NRP1: variants seen among roughly 807,000 people sequenced by gnomAD.
NRP1 encodes neuropilin 1, also known as neuropilin-1.
In NRP1, 35 loss-of-function variants were observed where a neutral mutation model predicts 106.7. That is an observed-to-expected ratio of 0.33 (90% CI 0.25 to 0.43). The LOEUF (loss-of-function observed/expected upper bound fraction) is 0.43, where lower values mean the gene tolerates loss of function less well. Among genes scored for constraint, NRP1 ranks in the 20% least tolerant of loss-of-function variants. NRP1 has a pLI of 1.00. For synonymous variants in NRP1, 437 were observed against 417.9 expected (o/e 1.05, Z -0.56); for missense variants, 1,024 against 1,170.4 (o/e 0.87, Z 1.83).
chr10:33,204,230 A>C (rs1837582135), intron 10 of NRP1, among the ~76,000 whole-genome samples: 1 of 152,064 alleles, frequency 6.6e-6, no homozygotes, highest in Non-Finnish European at 1.5e-5. Context: ...CTGCTTTCTT[A>C]GTAAAAATTT....
At chr10:33,223,486 A>T (rs1839419064) in intron 7 of NRP1, among the ~76,000 whole-genome samples, 1 of 151,466 alleles carries the variant, frequency 6.6e-6, no homozygotes, top group African/African-American at 2.4e-5. Context: ...TTAGCCAGGT[A>T]TGGTGGTGGT....
At chr10:33,254,236 G>T (rs534657650) in intron 5 of NRP1, 42 bp from the exon 6 acceptor site, 19 of 1,515,400 alleles carry the variant, frequency 1.3e-5, no homozygotes, top group Non-Finnish European at 1.8e-6. Context: ...AAATATAGGG[G>T]ATTTAAGATG....
intron 6 of NRP1, among the ~76,000 whole-genome samples, chr10:33,237,483 G>GCA (rs1554788798): frequency 4.0e-4 from 53 of 131,870 alleles, no homozygotes; most frequent in African/African-American, 1.6e-3. Flanking sequence ...ACACACATGC[G>GCA]CGCGCACACA....
chr10:33,221,809 G>A lies in NRP1; in HGVS notation c.1192C>T (p.Pro398Ser), dbSNP rs1048916730. The A allele has an allele frequency of 6.2e-7, 1 of 1,614,086 alleles. No individual in the cohort carries two copies. The part of the protein sequence containing the change: ...TDVVVAVFPK[P>S]LITRFVRIKP... ...ATTCGGACAAATCGAGTTATCAGTGGTTTGGGGAATACTGCAACCACAACA... is the reference window on the plus strand; with the variant it reads ...ATTCGGACAAATCGAGTTATCAGTGATTTGGGGAATACTGCAACCACAACA... The change falls in exon 8 of 17, where the codon CCA becomes TCA. Residue 398 changes from proline (P) to serine (S), a missense_variant. Pro to Ser is a moderately conservative substitution (Grantham distance 74). Around this residue, in one of 5 missense-constraint regions of NRP1, gnomAD observed 562 missense variants for 620.3 expected, o/e 0.91. Transcript: ENST00000374867.
chr10:33,272,565 T>C (rs1408039185), intron 2 of NRP1, among the ~76,000 whole-genome samples: 1 of 151,930 alleles, frequency 6.6e-6, no homozygotes, highest in African/African-American at 2.4e-5. Flanking sequence ...GAAGAAAGCA[T>C]TATGTTTAAA....
chr10:33,200,227 G>A (rs1373587780), intron 11 of NRP1, among the ~76,000 whole-genome samples: 1 of 152,152 alleles, frequency 6.6e-6, no homozygotes, highest in East Asian at 1.9e-4. Context: ...TATAGTTTGG[G>A]AGGCAAATTC....
At chr10:33,271,337 A>G (rs541033069) in intron 2 of NRP1, among the ~76,000 whole-genome samples, 12 of 152,350 alleles carry the variant, frequency 7.9e-5, no homozygotes, top group Middle Eastern at 6.8e-3. Flanking sequence ...ACATATGGCC[A>G]CAGAATAATA....
At chr10:33,301,212 T>G (rs183467623) in intron 2 of NRP1, among the ~76,000 whole-genome samples, 59 of 152,322 alleles carry the variant, frequency 3.9e-4, no homozygotes, top group African/African-American at 1.4e-3. Flanking sequence ...GAGAACTGAA[T>G]GTCGAGGGCT....
chr10:33,326,464 C>A (rs75092248), intron 2 of NRP1, among the ~76,000 whole-genome samples: 4,900 of 152,172 alleles, frequency 0.032, 285 homozygotes, highest in African/African-American at 0.11. Flanking sequence ...AATCAACATT[C>A]CTTCCTCTCC....
Position 33,213,402 on chromosome 10 carries a change from C to T in NRP1, c.1598G>A (p.Ser533Asn). Residue 533 changes from serine (S) to asparagine (N), a missense_variant, in exon 9 of 17, where the codon AGC becomes AAC. Transcript: ENST00000374867. ...GSDWKMIMDD[S>N]KRKAKSFEGN... is the part of the protein sequence containing the mutation. Reference sequence around the variant, plus strand: ...AGCCCTCACCTTCGCCTTGCGTTTGCTGTCATCCATGATCATCTTCCAGTC... The same window carrying T: ...AGCCCTCACCTTCGCCTTGCGTTTGTTGTCATCCATGATCATCTTCCAGTC... 2 of 1,614,058 alleles carry T rather than the reference C, an allele frequency of 1.2e-6. No individual in the cohort carries two copies. The highest frequency in any genetic ancestry group is 1.7e-6 in the Non-Finnish European group (2 of 1,180,024).
intron 2 of NRP1, among the ~76,000 whole-genome samples, chr10:33,324,645 C>CA (rs1554813966): frequency 6.6e-6 from 1 of 151,084 alleles, no homozygotes; most frequent in Non-Finnish European, 1.5e-5. Flanking sequence ...CCACAGGCTT[C>CA]TTTTTTTTGA....
chr10:33,332,614 C>G (rs1270006277), intron 1 of NRP1, among the ~76,000 whole-genome samples: 1 of 152,204 alleles, frequency 6.6e-6, no homozygotes, highest in Non-Finnish European at 1.5e-5. Flanking sequence ...CTCCCTGGCT[C>G]TGTTCAATCT....
chr10:33,197,721 A>C lies in NRP1; in HGVS notation c.1865-12T>G. 6.4e-7 allele frequency: 1 copy of C among 1,557,682 alleles called. No homozygotes were observed. The highest frequency in any genetic ancestry group is 8.8e-7 in the Non-Finnish European group (1 of 1,135,832). ...CACAGTGGTGCCACCTGAAAAACAA[A>C]AACAGGAACATGCAAAAATAAGAAA... On this transcript the variant is annotated splice_polypyrimidine_tract_variant and intron_variant, in intron 11 of 16. Transcript: ENST00000374867.
In NRP1 at chr10:33,334,343, G is replaced by A. The variant is rs1377623827; in HGVS notation, c.40C>T (p.Leu14Phe). The A allele has an allele frequency of 3.2e-6, 5 of 1,546,146 alleles. No homozygotes were observed. Among genetic ancestry groups the A allele is most frequent in the South Asian group, 1.2e-5 (1 of 84,208 alleles). Reference sequence around the variant, plus strand: ...AAAGCGCCGGCCGGGGCGAGGACGAGGGCGAGCACGGCGCAGAGGAGCGGC... The same window carrying A: ...AAAGCGCCGGCCGGGGCGAGGACGAAGGCGAGCACGGCGCAGAGGAGCGGC... ...GLPLLCAVLA[L>F]VLAPAGAFRN... Residue 14 changes from leucine to phenylalanine, a missense_variant, in exon 1 of 17, where the codon CTC becomes TTC. Leu to Phe is a conservative substitution (Grantham distance 22, BLOSUM62 0). Transcript: ENST00000374867.
chr10:33,243,075 C>T lies in NRP1; in HGVS notation c.981+10953G>A, dbSNP rs891690364. The stretch of plus-strand genomic sequence containing the variant: ...GACTGGAGGGACATGAAAGATGAAC[C>T]GTTTGGGCTTCATCTTATCTCCCCC... On this transcript the variant is annotated intron_variant, in intron 6 of 16. Transcript: ENST00000374867. Among the ~76,000 whole-genome samples, 82 of 152,034 alleles carry T rather than the reference C, an allele frequency of 5.4e-4. 3 individuals are homozygous for T. The highest frequency in any genetic ancestry group is 5.3e-3 in the Admixed American group (81 of 15,256).
At chr10:33,202,696 T>C in intron 11 of NRP1, 195 bp downstream of exon 11, 1 of 1,550,560 alleles carries the variant, frequency 6.4e-7, no homozygotes, top group Non-Finnish European at 8.7e-7. Context: ...TTACAAATGG[T>C]TGTGGCTATT....
intron 2 of NRP1, among the ~76,000 whole-genome samples, chr10:33,299,238 CT>C (rs1420675475): frequency 1.3e-5 from 2 of 152,212 alleles, no homozygotes; most frequent in African/African-American, 2.4e-5. Flanking sequence ...CCCTGCCCCC[CT>C]GACCCTGCCC....
intron 3 of NRP1, among the ~76,000 whole-genome samples, chr10:33,266,779 G>C (rs1417677531): frequency 6.6e-6 from 1 of 152,164 alleles, no homozygotes; most frequent in Non-Finnish European, 1.5e-5. Context: ...TCTTGGCCTT[G>C]TCCTTGCAAT....
At chr10:33,245,109 C>T (rs765713970) in intron 6 of NRP1, among the ~76,000 whole-genome samples, 7 of 152,242 alleles carry the variant, frequency 4.6e-5, no homozygotes, top group Non-Finnish European at 1.0e-4. Flanking sequence ...AAAAGAACTA[C>T]GGTTCTGTTC....
Sources: allele counts gnomAD v4.1 joint callset (sites outside exome capture counted in the v4.1 genomes callset), GRCh38; gene constraint gnomAD v4.1.1; regional missense constraint gnomAD v4.1.1; transcripts MANE v1.5; gene names NCBI Gene and HGNC (gene_info 2026-07-23, HGNC 2026-07-21).